Variants in ART3 observed in about 807,000 individuals in gnomAD.
The protein encoded by ART3 is ADP-ribosyltransferase 3 (inactive).
Under a neutral mutation model 48.5 loss-of-function variants are expected in ART3, and 49 were observed. The ratio of observed to expected loss-of-function variants is 1.01; its 90% confidence interval spans 0.80 to 1.28. The LOEUF is 1.28. Among genes scored for constraint, ART3 ranks in the 50% most tolerant of loss-of-function variants. The probability of loss-of-function intolerance (pLI) is 0.00; values close to 1 mark genes in which losing one functional copy is unlikely to be tolerated. For synonymous variants in ART3, 145 were observed against 157.2 expected (o/e 0.92, Z 0.58); for missense variants, 438 against 454.3 (o/e 0.96, Z 0.33).
intron 1 of ART3, among the ~76,000 whole-genome samples, chr4:76,014,798 A>G (rs1042799862): frequency 2.5e-4 from 38 of 152,332 alleles, no homozygotes; most frequent in African/African-American, 8.2e-4. Flanking sequence ...CTTGAAAGCA[A>G]CAAGTGAAGT....
rs1727188001 is a variant in ART3 at position 76,101,024 on chromosome 4, G to C, written c.937+5G>C. On this transcript the variant is annotated splice_donor_5th_base_variant and intron_variant, in intron 8 of 11. Transcript: ENST00000355810. ...ACCAGAAGCTTGAAGACCATGGTAA[G>C]ACATTTATGTAAATTCTGGGGGCTT... is the stretch of plus-strand genomic sequence containing the variant. The C allele has an allele frequency of 6.2e-7, 1 of 1,612,594 alleles. No individual in the cohort carries two copies.
intron 1 of ART3, among the ~76,000 whole-genome samples, chr4:76,053,424 ACT>A (rs1736326603): frequency 2.0e-5 from 3 of 151,502 alleles, no homozygotes; most frequent in Admixed American, 2.0e-4. Flanking sequence ...CTAAAAAAAA[ACT>A]AGCTATTATT....
intron 2 of ART3, among the ~76,000 whole-genome samples, chr4:76,077,228 T>G (rs1721306591): frequency 6.6e-6 from 1 of 152,186 alleles, no homozygotes; most frequent in Admixed American, 6.5e-5. Flanking sequence ...CTACTTTCTG[T>G]GTCTATGGTT....
At chr4:76,041,742 G>T (rs1734993931) in intron 1 of ART3, among the ~76,000 whole-genome samples, 1 of 152,106 alleles carries the variant, frequency 6.6e-6, no homozygotes, top group Admixed American at 6.5e-5. Flanking sequence ...TGTGTTTAGT[G>T]GCTACCATAT....
chr4:76,050,199 G>A (rs191267767), intron 1 of ART3, among the ~76,000 whole-genome samples: 25 of 152,142 alleles, frequency 1.6e-4, no homozygotes, highest in East Asian at 3.9e-4. Flanking sequence ...GGACCTGAGC[G>A]GGTTGCCACT....
chr4:76,047,842 A>G (rs2149444849), intron 1 of ART3, among the ~76,000 whole-genome samples: 1 of 152,110 alleles, frequency 6.6e-6, no homozygotes, highest in African/African-American at 2.4e-5. Flanking sequence ...CATCTCTCCA[A>G]GCGAGGTCAA....
chr4:76,024,487 C>G (rs1176257248), intron 1 of ART3, among the ~76,000 whole-genome samples: 1 of 152,116 alleles, frequency 6.6e-6, no homozygotes, highest in African/African-American at 2.4e-5. Flanking sequence ...TGAATCGTGG[C>G]AAAACTTAAT....
intron 1 of ART3, among the ~76,000 whole-genome samples, chr4:76,028,366 AAATG>A (rs1733596297): frequency 6.6e-6 from 1 of 152,244 alleles, no homozygotes; most frequent in African/African-American, 2.4e-5. Flanking sequence ...TTTTGAAAGA[AAATG>A]AAAGTTAAGG....
At chr4:76,031,648 C>T (rs2149396753) in intron 1 of ART3, among the ~76,000 whole-genome samples, 1 of 152,272 alleles carries the variant, frequency 6.6e-6, no homozygotes. Flanking sequence ...AATTATGATT[C>T]CTAAAAATCA....
chr4:76,086,973 T>C (rs937550073), intron 3 of ART3, among the ~76,000 whole-genome samples: 1 of 152,236 alleles, frequency 6.6e-6, no homozygotes, highest in African/African-American at 2.4e-5. Context: ...TGTGAAACTT[T>C]ATCAGCATAG....
chr4:76,055,362 T>A (rs1378816442), intron 1 of ART3, among the ~76,000 whole-genome samples: 5 of 152,226 alleles, frequency 3.3e-5, no homozygotes, highest in African/African-American at 1.2e-4. Context: ...GTACATAGTG[T>A]CTCACTAGTC....
At chr4:76,098,571 G>A (rs1726542333) in intron 4 of ART3, among the ~76,000 whole-genome samples, 1 of 152,112 alleles carries the variant, frequency 6.6e-6, no homozygotes, top group African/African-American at 2.4e-5. Flanking sequence ...AGGCCAGCCT[G>A]GGCAACATGT....
intron 3 of ART3, among the ~76,000 whole-genome samples, chr4:76,091,938 C>T (rs1724998853): frequency 1.3e-5 from 2 of 152,166 alleles, no homozygotes; most frequent in South Asian, 2.1e-4. Flanking sequence ...CTGCCTCAGC[C>T]TCCCAAAGTG....
At position 76,112,509 on chromosome 4, in the gene ART3, T is replaced by C; in HGVS notation, c.1160T>C (p.Val387Ala). Residue 387 changes from valine (V) to alanine (A), a missense_variant, in exon 12 of 12, where the codon GTT (valine) becomes GCT (alanine). Val to Ala is a moderately conservative substitution (Grantham distance 64). Around this residue, in one of 3 missense-constraint regions of ART3, gnomAD observed 227 missense variants for 229.6 expected, o/e 0.99. Transcript: ENST00000355810. ...AGTGTTTCTGCTATAAATCTCTTTGTTGCTCTGTAGTTTGATGCATTGTTT... is the reference window on the plus strand; with the variant it reads ...AGTGTTTCTGCTATAAATCTCTTTGCTGCTCTGTAGTTTGATGCATTGTTT... ...LISVSAINLF[V>A]AL The C allele has an allele frequency of 6.2e-7, 1 of 1,613,426 alleles. No individual in the cohort carries two copies. Among genetic ancestry groups the C allele is most frequent in the Non-Finnish European group, 8.5e-7 (1 of 1,179,718 alleles).
chr4:76,100,012 C>T (rs912604054), intron 5 of ART3, among the ~76,000 whole-genome samples: 1 of 152,206 alleles, frequency 6.6e-6, no homozygotes, highest in Non-Finnish European at 1.5e-5. Flanking sequence ...CTTTAGCTGA[C>T]TCTTCAACAA....
rs1578237895 is a variant in ART3 at position 76,030,547 on chromosome 4, C to G, written c.-10+19227C>G. 2.0e-5 allele frequency among the ~76,000 whole-genome samples: 3 copies of G among 152,320 alleles called. No homozygotes were observed. The South Asian group carries it at 6.2e-4, about 32-fold the overall frequency. On this transcript the variant is annotated intron_variant, in intron 1 of 9. Coordinates refer to the ART3 transcript ENST00000341029. The stretch of plus-strand genomic sequence containing the variant: ...GAGTACAATTCAGTGGAGTTAAGTA[C>G]TTTCACAGTGCTGTGAAGCCATCAC...
intron 1 of ART3, among the ~76,000 whole-genome samples, chr4:76,046,358 A>G (rs1245652399): frequency 6.6e-6 from 1 of 152,062 alleles, no homozygotes; most frequent in Non-Finnish European, 1.5e-5. Flanking sequence ...AACTGGATAT[A>G]GAGGAATTAC....
chr4:76,109,813 A>G (rs1169020698), intron 11 of ART3, among the ~76,000 whole-genome samples: 1 of 152,192 alleles, frequency 6.6e-6, no homozygotes, highest in East Asian at 1.9e-4. Context: ...GCATCTGCCT[A>G]TCCACTTCTC....
intron 4 of ART3, 22 bp from the exon 5 acceptor site, chr4:76,098,933 T>A: frequency 6.3e-7 from 1 of 1,593,988 alleles, no homozygotes; most frequent in Non-Finnish European, 8.6e-7. Context: ...TACCATGTAA[T>A]GAAAACATGT....
Sources: gnomAD v4.1 joint callset for allele counts (sites outside exome capture counted in the v4.1 genomes callset) on GRCh38, gnomAD v4.1.1 for gene constraint, gnomAD v4.1.1 regional missense constraint, MANE v1.5 for transcripts, NCBI Gene and HGNC (gene_info 2026-07-23, HGNC 2026-07-21) for gene names.